PLD5: variants seen among roughly 807,000 people sequenced by gnomAD.
PLD5 encodes phospholipase D family member 5.
In PLD5, 36 loss-of-function variants were observed where a neutral mutation model predicts 61.1. The observed-to-expected ratio is 0.59, with a 90% CI of 0.45 to 0.78. PLD5 has a LOEUF of 0.78. Ranked by LOEUF, PLD5 falls within the 30% of genes least tolerant of loss-of-function variation. The probability of loss-of-function intolerance (pLI) is 0.00; values close to 1 mark genes in which losing one functional copy is unlikely to be tolerated. For synonymous variants in PLD5, 243 were observed against 242.8 expected, an observed-to-expected ratio of 1.00 and a Z score of -0.01; for missense variants, 515 against 644.4, an observed-to-expected ratio of 0.80 and a Z score of 2.17.
chr1:242,107,974 G>C, intron 7 of PLD5, 135 bp from the exon 8 acceptor site: 1 of 815,206 alleles, frequency 1.2e-6, no homozygotes, highest in Non-Finnish European at 1.8e-6. Flanking sequence ...CCTCATCGGA[G>C]AGGCTGAAAA....
chr1:242,104,514 C>G (rs377504580), intron 8 of PLD5, among the ~76,000 whole-genome samples: 1 of 152,192 alleles, frequency 6.6e-6, no homozygotes, highest in African/African-American at 2.4e-5. Context: ...ATGCAGACGC[C>G]ATGGAGACAT....
At chr1:242,230,451 T>C (rs1396105237) in intron 4 of PLD5, among the ~76,000 whole-genome samples, 1 of 152,168 alleles carries the variant, frequency 6.6e-6, no homozygotes, top group Non-Finnish European at 1.5e-5. Flanking sequence ...ATTTATCTTA[T>C]CCATCAATCT....
At chr1:242,290,703 A>G (rs973697543) in intron 2 of PLD5, among the ~76,000 whole-genome samples, 1 of 151,914 alleles carries the variant, frequency 6.6e-6, no homozygotes, top group Non-Finnish European at 1.5e-5. Context: ...AGAAGCATGC[A>G]GTGGACATTT....
At chr1:242,094,382 T>A (rs1260448052) in intron 9 of PLD5, among the ~76,000 whole-genome samples, 1 of 152,136 alleles carries the variant, frequency 6.6e-6, no homozygotes, top group East Asian at 1.9e-4. Context: ...GATTTCAAAA[T>A]TAGAGAGATG....
chr1:242,177,295 C>A (rs1484606570), intron 5 of PLD5, among the ~76,000 whole-genome samples: 6 of 152,134 alleles, frequency 3.9e-5, no homozygotes, highest in Non-Finnish European at 7.3e-5. Flanking sequence ...AACCACCATT[C>A]TCATCAAACT....
chr1:242,348,663 C>T (rs1558485876), intron 1 of PLD5, among the ~76,000 whole-genome samples: 3 of 152,212 alleles, frequency 2.0e-5, no homozygotes, highest in Non-Finnish European at 4.4e-5. Flanking sequence ...ATGTGAGTGA[C>T]CAATGGCCCA....
At chr1:242,114,086 T>G (rs1052446006) in intron 6 of PLD5, 60 bp from the exon 7 acceptor site, 37 of 1,571,528 alleles carry the variant, frequency 2.4e-5, no homozygotes, top group Non-Finnish European at 3.1e-5. Context: ...GGGGATTTAT[T>G]TATTTCCTTT....
At chr1:242,270,614 T>C (rs1674004379) in intron 3 of PLD5, among the ~76,000 whole-genome samples, 1 of 152,226 alleles carries the variant, frequency 6.6e-6, no homozygotes, top group Non-Finnish European at 1.5e-5. Context: ...AGCCAAGCAG[T>C]GCTGGGGCTG....
chr1:242,340,607 G>T (rs891591022), intron 2 of PLD5, among the ~76,000 whole-genome samples: 2 of 151,976 alleles, frequency 1.3e-5, no homozygotes, highest in African/African-American at 4.8e-5. Flanking sequence ...AGATGCTATT[G>T]TATCAAAGGT....
intron 4 of PLD5, among the ~76,000 whole-genome samples, chr1:242,258,113 T>C (rs991647951): frequency 5.3e-5 from 8 of 152,240 alleles, no homozygotes; most frequent in Non-Finnish European, 1.0e-4. Flanking sequence ...TGTTTTCCTA[T>C]AGAAATTGCA....
chr1:242,431,487 G>C (rs890110909), intron 1 of PLD5, among the ~76,000 whole-genome samples: 12 of 152,264 alleles, frequency 7.9e-5, no homozygotes, highest in African/African-American at 2.9e-4. Context: ...ACTCTCGCTT[G>C]CCTCTCAAAC....
chr1:242,309,461 C>T (rs1676569043), intron 2 of PLD5, among the ~76,000 whole-genome samples: 1 of 151,542 alleles, frequency 6.6e-6, no homozygotes, highest in Non-Finnish European at 1.5e-5. Context: ...TAAACCTCTG[C>T]CTCCTGGGTT....
At chr1:242,393,596 A>G (rs1428480713) in intron 1 of PLD5, among the ~76,000 whole-genome samples, 1 of 95,006 alleles carries the variant, frequency 1.1e-5, no homozygotes, top group Non-Finnish European at 2.0e-5. Context: ...ACATATGTGT[A>G]TATATATGAG....
intron 1 of PLD5, chr1:242,377,206 A>C: frequency 6.2e-7 from 1 of 1,611,216 alleles, no homozygotes; most frequent in Non-Finnish European, 8.5e-7. Context: ...CAGAGGCCAC[A>C]CTCCCGGCAC....
rs550275311 is a variant in PLD5 at position 242,089,882 on chromosome 1, G to C, written c.1583C>G (p.Thr528Arg). The change falls in exon 10 of 10, where the codon ACA (threonine) becomes AGA (arginine). Residue 528 changes from threonine to arginine, a missense_variant. This residue lies in a region of PLD5 where 450 missense variants were observed against 598.1 expected (regional missense o/e 0.75). Coordinates refer to ENST00000536534, the MANE Select transcript of PLD5 (RefSeq NM_001372062.1). ...TACGTTCCGGGGATCCTTTCCGCCTGTGTCGTCTGTGGCAGTTTTGTTGGA... is the reference window on the plus strand; with the variant it reads ...TACGTTCCGGGGATCCTTTCCGCCTCTGTCGTCTGTGGCAGTTTTGTTGGA... ...PLSNKTATDD[T>R]GGKDPRNV 1 of 1,614,212 alleles carries C rather than the reference G, an allele frequency of 6.2e-7. No homozygotes were observed. Among genetic ancestry groups the C allele is most frequent in the East Asian group, 2.2e-5 (1 of 44,888 alleles).
At position 242,101,037 on chromosome 1, in the gene PLD5, T is replaced by C. The variant is rs55693430; in HGVS notation, c.1240-255A>G. Among the ~76,000 whole-genome samples, 729 of 152,366 alleles carry C rather than the reference T, an allele frequency of 4.8e-3. 2 individuals are homozygous for C. The highest frequency in any genetic ancestry group is 7.1e-3 in the Non-Finnish European group (485 of 68,034). On this transcript the variant is annotated intron_variant, in intron 8 of 9. Coordinates refer to ENST00000536534, the MANE Select transcript of PLD5 (RefSeq NM_001372062.1). Reference sequence around the variant, plus strand: ...TACAAAATGAACACAAAATTCGTTTTCTTTTTTCAGCAGGATAAGGGCCAG... The same window carrying C: ...TACAAAATGAACACAAAATTCGTTTCCTTTTTTCAGCAGGATAAGGGCCAG...
At chr1:242,225,217 A>G (rs1670855265) in intron 4 of PLD5, among the ~76,000 whole-genome samples, 1 of 151,702 alleles carries the variant, frequency 6.6e-6, no homozygotes, top group Admixed American at 6.6e-5. Context: ...AGACCCATTC[A>G]TGCTATTGTG....
chr1:242,286,686 C>T (rs1402837397), intron 3 of PLD5, among the ~76,000 whole-genome samples: 6 of 152,152 alleles, frequency 3.9e-5, no homozygotes, highest in Non-Finnish European at 8.8e-5. Context: ...CTTACTTTGG[C>T]CACTTCTTTG....
intron 2 of PLD5, among the ~76,000 whole-genome samples, chr1:242,304,843 C>A (rs1188015032): frequency 6.6e-6 from 1 of 152,098 alleles, no homozygotes; most frequent in Non-Finnish European, 1.5e-5. Context: ...GTGGCTCATA[C>A]CTGTTATCCC....
Sources: allele counts gnomAD v4.1 joint callset (sites outside exome capture counted in the v4.1 genomes callset), GRCh38; gene constraint gnomAD v4.1.1; regional missense constraint gnomAD v4.1.1; transcripts MANE v1.5; gene names NCBI Gene and HGNC (gene_info 2026-07-23, HGNC 2026-07-21).